Variants in PRKAG2 observed in about 807,000 individuals in gnomAD.
The protein encoded by PRKAG2 is 5'-AMP-activated protein kinase subunit gamma-2.
In PRKAG2, 26 loss-of-function variants were observed where a neutral mutation model predicts 69.6. The observed-to-expected ratio is 0.37, with a 90% CI of 0.27 to 0.52. PRKAG2 has a LOEUF of 0.52. Among genes scored for constraint, PRKAG2 ranks in the 20% least tolerant of loss-of-function variants. The pLI is 0.90. For missense variants in PRKAG2, 557 were observed against 740.0 expected (o/e 0.75, Z 2.87); for synonymous variants, 293 against 285.0 (o/e 1.03, Z -0.28).
Position 151,567,150 on chromosome 7 carries a change from A to G in PRKAG2, c.1234-1265T>C, listed in dbSNP as rs1265916930. 6.6e-6 allele frequency among the ~76,000 whole-genome samples: 1 copy of G among 152,136 alleles called. No individual in the cohort carries two copies. The highest frequency in any genetic ancestry group is 1.5e-5 in the Non-Finnish European group (1 of 68,008). The stretch of plus-strand genomic sequence containing the variant: ...TTGCAATCTACCACTTAGTATCCAC[A>G]TGACTGGGGGCACGTTTCCCAGCCA... On this transcript the variant is annotated intron_variant, in intron 11 of 15. Coordinates refer to ENST00000287878, the MANE Select transcript of PRKAG2 (RefSeq NM_016203.4). The surrounding 1 kb of genome is among the most constrained non-coding windows in gnomAD (Gnocchi z 4.2).
intron 4 of PRKAG2, among the ~76,000 whole-genome samples, chr7:151,633,923 CTATT>C (rs1333599229): frequency 3.9e-5 from 6 of 152,106 alleles, no homozygotes; most frequent in Admixed American, 6.5e-5. Context: ...CTCTAGAATT[CTATT>C]TATTTATTTA....
chr7:151,714,398 G>A (rs1025241737), intron 3 of PRKAG2, among the ~76,000 whole-genome samples: 4 of 145,314 alleles, frequency 2.8e-5, no homozygotes, highest in South Asian at 4.5e-4. Context: ...CCGTGCCTAG[G>A]TGGAGAGGCG....
intron 6 of PRKAG2, among the ~76,000 whole-genome samples, chr7:151,580,058 G>A (rs1055108694): frequency 1.3e-5 from 2 of 152,152 alleles, no homozygotes; most frequent in African/African-American, 4.8e-5. Flanking sequence ...AAATACTTAA[G>A]GGAGGCCAGG....
intron 14 of PRKAG2, 60 bp from the exon 15 acceptor site, chr7:151,560,677 A>G: frequency 1.9e-6 from 3 of 1,588,752 alleles, no homozygotes; most frequent in Non-Finnish European, 2.6e-6. Context: ...TAAAATGGAC[A>G]TGAGAAATAA....
intron 3 of PRKAG2, among the ~76,000 whole-genome samples, chr7:151,706,930 T>C (rs145041651): frequency 8.1e-4 from 124 of 152,310 alleles, no homozygotes; most frequent in African/African-American, 2.9e-3. Context: ...GCGTCTACCA[T>C]GAGGGAAGAG....
chr7:151,638,370 C>T lies in PRKAG2; in HGVS notation c.685-6232G>A, dbSNP rs182070976. ...AAATTATTATCCCGGCATGGTGGCT[C>T]ATGCCTGTAATCCCAGCACTTTGGG... On this transcript the variant is annotated intron_variant, in intron 4 of 15. Transcript: ENST00000287878. This position sits in a 1 kb window ranked among gnomAD's most constrained non-coding sequence, Gnocchi z 4.3. Among the ~76,000 whole-genome samples the T allele has an allele frequency of 1.3e-5, 2 of 152,324 alleles. No individual in the cohort carries two copies. Among genetic ancestry groups the T allele is most frequent in the East Asian group, 3.9e-4 (2 of 5,182 alleles).
chr7:151,621,877 T>C (rs1821598373), intron 5 of PRKAG2, among the ~76,000 whole-genome samples: 1 of 152,112 alleles, frequency 6.6e-6, no homozygotes, highest in African/African-American at 2.4e-5. Flanking sequence ...GCCCGGCCGG[T>C]GTGCTTTGAT....
intron 3 of PRKAG2, among the ~76,000 whole-genome samples, chr7:151,744,815 G>A (rs1225178437): frequency 6.6e-6 from 1 of 152,202 alleles, no homozygotes; most frequent in Admixed American, 6.5e-5. Context: ...AGATCCACCA[G>A]CAGAGCAGGG....
At chr7:151,724,237 G>A (rs7777428) in intron 3 of PRKAG2, among the ~76,000 whole-genome samples, 7,232 of 152,250 alleles carry the variant, frequency 0.048, 403 homozygotes, top group East Asian at 0.19. Context: ...GGATTTGTCT[G>A]TCTTGTTCTT....
chr7:151,807,934 G>A lies in PRKAG2; in HGVS notation c.115-21393C>T, dbSNP rs112386889. Among the ~76,000 whole-genome samples the A allele has an allele frequency of 7.2e-5, 11 of 152,288 alleles. No homozygotes were observed. Among genetic ancestry groups the A allele is most frequent in the African/African-American group, 2.6e-4 (11 of 41,556 alleles). On this transcript the variant is annotated intron_variant, in intron 1 of 15. Transcript: ENST00000287878. This position sits in a 1 kb window ranked among gnomAD's most constrained non-coding sequence, Gnocchi z 4.4. ...GTGGGGACGCTAGACTCAAGGGAAG[G>A]CTCTGGAGGAAGGAAGAGGCTAAAG...
At chr7:151,821,642 G>A (rs981829588) in intron 1 of PRKAG2, among the ~76,000 whole-genome samples, 2 of 152,040 alleles carry the variant, frequency 1.3e-5, no homozygotes, top group Non-Finnish European at 2.9e-5. Context: ...CTATAACAAT[G>A]CCCCTAAGCA....
intron 1 of PRKAG2, among the ~76,000 whole-genome samples, chr7:151,846,236 G>A (rs1268827144): frequency 1.3e-5 from 2 of 152,156 alleles, no homozygotes; most frequent in African/African-American, 4.8e-5. Context: ...GCACTTTGGG[G>A]GTGGGCAGAT....
chr7:151,588,791 G>C (rs565813727), intron 6 of PRKAG2, among the ~76,000 whole-genome samples: 1 of 152,162 alleles, frequency 6.6e-6, no homozygotes, highest in Non-Finnish European at 1.5e-5. Flanking sequence ...GTGGAACTGT[G>C]AGTCCATTAA....
At chr7:151,740,023 T>C (rs1019806205) in intron 3 of PRKAG2, among the ~76,000 whole-genome samples, 8 of 152,036 alleles carry the variant, frequency 5.3e-5, no homozygotes, top group African/African-American at 1.4e-4. Context: ...CCCAAAAAGA[T>C]AGGGGCCCAG....
rs542718833 is a variant in PRKAG2 at position 151,769,146 on chromosome 7, A to G, written c.466+12006T>C. ...AAGAGTCACAAGAAGAAACTAACCC[A>G]GGCAGAAAGGCTGTGAACAAACCTC... On this transcript the variant is annotated intron_variant, in intron 3 of 15. Coordinates refer to ENST00000287878, the MANE Select transcript of PRKAG2 (RefSeq NM_016203.4). 1.2e-4 allele frequency among the ~76,000 whole-genome samples: 19 copies of G among 152,364 alleles called. No homozygotes were observed. The South Asian group carries it at 3.9e-3, about 32-fold the overall frequency.
At chr7:151,592,504 C>T (rs1469936805) in intron 6 of PRKAG2, among the ~76,000 whole-genome samples, 1 of 152,212 alleles carries the variant, frequency 6.6e-6, no homozygotes, top group Non-Finnish European at 1.5e-5. Context: ...GTGGCACACC[C>T]TCGCATTCTG....
chr7:151,737,733 T>TTGTTG (rs2073548615), intron 3 of PRKAG2, among the ~76,000 whole-genome samples: 1 of 152,142 alleles, frequency 6.6e-6, no homozygotes, highest in African/African-American at 2.4e-5. Context: ...CAGAGCTCAG[T>TTGTTG]GCCACTGGAG....
At chr7:151,625,898 G>A (rs1182957311) in intron 5 of PRKAG2, among the ~76,000 whole-genome samples, 4 of 152,192 alleles carry the variant, frequency 2.6e-5, no homozygotes, top group South Asian at 2.1e-4. Context: ...ACAGGGCAGC[G>A]AGAAGCCCAT....
intron 3 of PRKAG2, among the ~76,000 whole-genome samples, chr7:151,761,810 C>T (rs2075430379): frequency 6.6e-6 from 1 of 152,236 alleles, no homozygotes; most frequent in South Asian, 2.1e-4. Context: ...CACCTGCCCA[C>T]CTTTCCACTC....
Sources: gnomAD v4.1 joint callset for allele counts (sites outside exome capture counted in the v4.1 genomes callset) on GRCh38, gnomAD v4.1.1 for gene constraint, Gnocchi (gnomAD v3.1) non-coding constraint, MANE v1.5 for transcripts, NCBI Gene and HGNC (gene_info 2026-07-23, HGNC 2026-07-21) for gene names.